The following OR5AS1 variants were observed in gnomAD, a reference collection of about 807,000 sequenced individuals.
OR5AS1 encodes olfactory receptor family 5 subfamily AS member 1.
For synonymous variants in OR5AS1, 196 were observed against 141.7 expected (o/e 1.38, Z -2.72); for missense variants, 492 against 378.2 (o/e 1.30, Z -2.50).
chr11:56,035,083 A>G lies in OR5AS1; in HGVS notation c.*3690A>G, dbSNP rs532842897. ...AAAGCAAATGCTGAGAGATTTTGTC[A>G]CCACCAGGCCTGCTTTACAAGAGCT... On this transcript the variant is annotated 3_prime_UTR_variant, in exon 2 of 2. Transcript: ENST00000641320. The G allele has an allele frequency of 2.2e-4, 34 of 152,182 alleles. No individual in the cohort carries two copies. Among genetic ancestry groups the G allele is most frequent in the Non-Finnish European group, 4.4e-4 (30 of 68,042 alleles). 9.4% of individuals were successfully genotyped at this position (152,182 alleles called of 1,614,324 possible). A position where few individuals can be genotyped will look rare whatever the true frequency, so the allele number is the denominator to read the frequency against.
In OR5AS1 at chr11:56,031,039, G is replaced by A. The variant is rs1853344731; in HGVS notation, c.621G>A (p.Gln207=). 2.5e-6 allele frequency: 4 copies of A among 1,614,112 alleles called. No individual in the cohort carries two copies. Among genetic ancestry groups the A allele is most frequent in the Non-Finnish European group, 3.4e-6 (4 of 1,180,008 alleles). ...LLLFALCSFI[Q]TSTFVVIFIS... The stretch of plus-strand genomic sequence containing the variant: ...TCTTTGCTTTGTGCAGCTTCATCCA[G>A]ACCAGCACTTTTGTGGTAATATTTA... Residue 207 remains glutamine (Q), a synonymous_variant, in exon 2 of 2, where the codon CAG becomes CAA. Transcript: ENST00000641320.
Position 56,031,333 on chromosome 11 carries a change from A to G in OR5AS1, c.915A>G (p.Leu305=), listed in dbSNP as rs752131661. The change falls in exon 2 of 2, where the codon TTA becomes TTG. Residue 305 remains leucine (L), a synonymous_variant. Transcript: ENST00000641320. ...TGAAAAATGCTCTCAAAAAGCTATT[A>G]GAAAGAATTGGATATTCAAATGAAT... ...KDVKNALKKL[L]ERIGYSNEWY... 1.1e-5 allele frequency: 17 copies of G among 1,589,920 alleles called. No individual in the cohort carries two copies. The highest frequency in any genetic ancestry group is 1.3e-5 in the African/African-American group (1 of 74,262).
rs1269792811 is a variant in OR5AS1 at position 56,037,759 on chromosome 11, A to G, written c.*6366A>G. On this transcript the variant is annotated 3_prime_UTR_variant, in exon 2 of 2. Coordinates refer to ENST00000641320, the MANE Select transcript of OR5AS1 (RefSeq NM_001001921.2). ...AATTTCTTCACAGAATTAGAAAAAA[A>G]AAAAAACTACTTTAAATTTCATGTG... 3.3e-5 allele frequency: 5 copies of G among 151,770 alleles called. No homozygotes were observed. Among genetic ancestry groups the G allele is most frequent in the African/African-American group, 9.7e-5 (4 of 41,328 alleles). 9.4% of individuals were successfully genotyped at this position (151,770 alleles called of 1,614,324 possible). A position where few individuals can be genotyped will look rare whatever the true frequency, so the allele number is the denominator to read the frequency against.
intron 1 of OR5AS1, among the ~76,000 whole-genome samples, chr11:56,028,539 G>A (rs551293735): frequency 3.9e-5 from 6 of 152,186 alleles, no homozygotes; most frequent in East Asian, 1.9e-4. Flanking sequence ...TTTAGAAATA[G>A]GAGGTTTGTC....
Position 56,030,630 on chromosome 11 carries a change from T to A in OR5AS1, c.212T>A (p.Ile71Asn). 1 of 1,555,048 alleles carries A rather than the reference T, an allele frequency of 6.4e-7. No individual in the cohort carries two copies. Among genetic ancestry groups the A allele is most frequent in the African/African-American group, 1.4e-5 (1 of 72,884 alleles). The change falls in exon 2 of 2, where the codon ATC becomes AAC. Residue 71 changes from isoleucine (I) to asparagine (N), a missense_variant. Transcript: ENST00000641320. ...YFLSNLSFLDISCSTAITPKM... is the reference protein window; with the variant it reads ...YFLSNLSFLDNSCSTAITPKM... ...CTTAGCAACTTATCTTTCTTAGACA[T>A]CAGCTGTTCTACAGCAATCACTCCT...
rs1853352169 is a variant in OR5AS1, at chr11:56,031,564, A to T, written c.*171A>T. ...TCTCCACAATTCTACTCTATAAAAC[A>T]TTACCTAATTAAACATAGTCATTAT... is the stretch of plus-strand genomic sequence containing the variant. On this transcript the variant is annotated 3_prime_UTR_variant, in exon 2 of 2. Transcript: ENST00000641320. The T allele has an allele frequency of 2.0e-6, 1 of 492,230 alleles. No individual in the cohort carries two copies. Among genetic ancestry groups the T allele is most frequent in the Non-Finnish European group, 3.6e-6 (1 of 279,164 alleles). 30.5% of individuals were successfully genotyped at this position (492,230 alleles called of 1,614,324 possible). A position where few individuals can be genotyped will look rare whatever the true frequency, so the allele number is the denominator to read the frequency against.
rs542139440 is a variant in OR5AS1, at chr11:56,034,413, A to G, written c.*3020A>G. The G allele has an allele frequency of 6.6e-6, 1 of 152,222 alleles. No individual in the cohort carries two copies. The highest frequency in any genetic ancestry group is 1.5e-5 in the Non-Finnish European group (1 of 68,018). 9.4% of individuals were successfully genotyped at this position (152,222 alleles called of 1,614,324 possible). A position where few individuals can be genotyped will look rare whatever the true frequency, so the allele number is the denominator to read the frequency against. ...TTAGAATAACTGGTTTGAAGAGAAC[A>G]TAAATAACCTGATGGAGCTGAAAAA... On this transcript the variant is annotated 3_prime_UTR_variant, in exon 2 of 2. Transcript: ENST00000641320.
At position 56,031,593 on chromosome 11, in the gene OR5AS1, T is replaced by A. The variant is rs577671427; in HGVS notation, c.*200T>A. ...CCTAATTAAACATAGTCATTATTTA[T>A]ATCCAATTAGTGTTTCTAAAATGCT... On this transcript the variant is annotated 3_prime_UTR_variant, in exon 2 of 2. Transcript: ENST00000641320. 9.4e-6 allele frequency: 4 copies of A among 426,766 alleles called. No homozygotes were observed. In the South Asian group the frequency reaches 1.7e-4, roughly 18 times the overall value. The allele number at this position is 426,766 out of a possible 1,614,324, so 26.4% of individuals were successfully genotyped here. A position where few individuals can be genotyped will look rare whatever the true frequency, so the allele number is the denominator to read the frequency against.
chr11:56,030,576 C>A lies in OR5AS1; in HGVS notation c.158C>A (p.Ser53Ter). The A allele has an allele frequency of 6.5e-7, 1 of 1,548,192 alleles. No homozygotes were observed. The highest frequency in any genetic ancestry group is 1.2e-5 in the South Asian group (1 of 81,922). Reference protein sequence around the residue: ...ILLIILVNINSSLQIPMYYFL... With the variant: ...ILLIILVNIN ...TTAATAATTCTAGTTAATATTAATT[C>A]AAGCCTTCAAATTCCCATGTATTAT... The change falls in exon 2 of 2, where the codon TCA becomes TAA. Residue 53 changes from serine to a stop codon, truncating the protein, a stop_gained. Transcript: ENST00000641320. LOFTEE classifies it low-confidence loss of function (END_TRUNC).
rs1241609778 is a variant in OR5AS1, at chr11:56,034,196, A to C, written c.*2803A>C. The C allele has an allele frequency of 6.6e-6, 1 of 152,098 alleles. No homozygotes were observed. The highest frequency in any genetic ancestry group is 2.4e-5 in the African/African-American group (1 of 41,360). The allele number at this position is 152,098 out of a possible 1,614,324, so 9.4% of individuals were successfully genotyped here. On this transcript the variant is annotated 3_prime_UTR_variant, in exon 2 of 2. Transcript: ENST00000641320. The stretch of plus-strand genomic sequence containing the variant: ...TAAAACCAGACATCTCTTCTCCCAC[A>C]AAGGATCACAATTCCACGCCAGCAA...
At position 56,027,800 on chromosome 11, in the gene OR5AS1, C is replaced by T. The variant is rs1480943560; in HGVS notation, c.-29+88C>T. On this transcript the variant is annotated intron_variant, in intron 1 of 1. Transcript: ENST00000641320. Reference sequence around the variant, plus strand: ...AATTTGCCTCAGATAAAATGTATCTCTGCTATTTCTGTGTGTGTGTGTGTG... The same window carrying T: ...AATTTGCCTCAGATAAAATGTATCTTTGCTATTTCTGTGTGTGTGTGTGTG... The T allele has an allele frequency of 3.8e-5, 5 of 132,364 alleles. No homozygotes were observed. In the Admixed American group the frequency reaches 3.9e-4, roughly 10 times the overall value. The allele number at this position is 132,364 out of a possible 1,614,324, so 8.2% of individuals were successfully genotyped here.
In OR5AS1 at chr11:56,030,818, A is replaced by G. The variant is rs2134692506; in HGVS notation, c.400A>G (p.Thr134Ala). ...AAICNPLLYT[T>A]LMSRRVCVCF... is the part of the protein sequence containing the mutation. ...CATCTGCAACCCACTGCTCTATACT[A>G]CACTGATGTCTAGGAGAGTCTGTGT... The change falls in exon 2 of 2, where the codon ACA (threonine) becomes GCA (alanine). Residue 134 changes from threonine (T) to alanine (A), a missense_variant. Thr to Ala is a moderately conservative substitution (Grantham distance 58). Coordinates refer to ENST00000641320, the MANE Select transcript of OR5AS1 (RefSeq NM_001001921.2). The G allele has an allele frequency of 6.2e-7, 1 of 1,613,936 alleles. No homozygotes were observed. The highest frequency in any genetic ancestry group is 1.3e-5 in the African/African-American group (1 of 74,954).
intron 1 of OR5AS1, among the ~76,000 whole-genome samples, chr11:56,028,197 T>C (rs950201993): frequency 6.6e-6 from 1 of 151,928 alleles, no homozygotes; most frequent in Non-Finnish European, 1.5e-5. Context: ...GTAATAATTA[T>C]AATATATAAT....
At position 56,036,462 on chromosome 11, in the gene OR5AS1, C is replaced by A. The variant is rs1445063472; in HGVS notation, c.*5069C>A. 6.6e-6 allele frequency: 1 copy of A among 152,016 alleles called. No individual in the cohort carries two copies. Among genetic ancestry groups the A allele is most frequent in the African/African-American group, 2.4e-5 (1 of 41,362 alleles). 9.4% of individuals were successfully genotyped at this position (152,016 alleles called of 1,614,324 possible). On this transcript the variant is annotated 3_prime_UTR_variant, in exon 2 of 2. Transcript: ENST00000641320. ...TTATAAAGGGGATATCACCACTGTT[C>A]CCACAGAAATACAAACTACCATCAG...
rs1853389893 is a variant in OR5AS1, at chr11:56,034,996, CAG to C, written c.*3606_*3607del. ...GTCTTAAAGAAAAGAATTTTAAATG[CAG>C]AGTTTCATATTCAGCCAAACTAAGC... is the stretch of plus-strand genomic sequence containing the variant. On this transcript the variant is annotated 3_prime_UTR_variant, in exon 2 of 2. Transcript: ENST00000641320. 1 of 152,078 alleles carries C rather than the reference CAG, an allele frequency of 6.6e-6. No individual in the cohort carries two copies. The highest frequency in any genetic ancestry group is 6.5e-5 in the Admixed American group (1 of 15,274). 9.4% of individuals were successfully genotyped at this position (152,078 alleles called of 1,614,324 possible). A position where few individuals can be genotyped will look rare whatever the true frequency, so the allele number is the denominator to read the frequency against.
rs199574198 is a variant in OR5AS1 at position 56,031,256 on chromosome 11, G to C, written c.838G>C (p.Val280Leu). 4.0e-5 allele frequency: 65 copies of C among 1,613,522 alleles called. No homozygotes were observed. Among genetic ancestry groups the C allele is most frequent in the Non-Finnish European group, 5.4e-5 (64 of 1,179,792 alleles). Residue 280 changes from valine (V) to leucine (L), a missense_variant, in exon 2 of 2, where the codon GTT becomes CTT. Val to Leu is a conservative substitution (Grantham distance 32, BLOSUM62 1). Transcript: ENST00000641320. ...TAAGGTGGTGGCAGTGTTTTATACT[G>C]TTGTATTTCCCATGTTTAATCCAAT... ...TDKVVAVFYT[V>L]VFPMFNPIIY...
In OR5AS1 at chr11:56,032,239, TATAAA is replaced by T. The variant is rs1340206050; in HGVS notation, c.*847_*851del. 5 of 152,134 alleles carry T rather than the reference TATAAA, an allele frequency of 3.3e-5. No homozygotes were observed. The highest frequency in any genetic ancestry group is 2.6e-4 in the Admixed American group (4 of 15,274). 9.4% of individuals were successfully genotyped at this position (152,134 alleles called of 1,614,324 possible). A position where few individuals can be genotyped will look rare whatever the true frequency, so the allele number is the denominator to read the frequency against. On this transcript the variant is annotated 3_prime_UTR_variant, in exon 2 of 2. Transcript: ENST00000641320. ...ACAAGTTTGTGAATACTATCAAGATTATAAACTGTAGAATTTCCTAATTATTTATA... is the reference window on the plus strand; with the variant it reads ...ACAAGTTTGTGAATACTATCAAGATTCTGTAGAATTTCCTAATTATTTATA...
rs1853357178 is a variant in OR5AS1 at position 56,032,030 on chromosome 11, T to A, written c.*637T>A. On this transcript the variant is annotated 3_prime_UTR_variant, in exon 2 of 2. Coordinates refer to ENST00000641320, the MANE Select transcript of OR5AS1 (RefSeq NM_001001921.2). ...AGCATTTGTCAATAGAGATATTTTA[T>A]AATACCAATAATCTGTTAGGGATAC... The A allele has an allele frequency of 6.6e-6, 1 of 152,156 alleles. No homozygotes were observed. The highest frequency in any genetic ancestry group is 2.4e-5 in the African/African-American group (1 of 41,398). The allele number at this position is 152,156 out of a possible 1,614,324, so 9.4% of individuals were successfully genotyped here.
rs141059768 is a variant in OR5AS1 at position 56,030,945 on chromosome 11, A to G, written c.527A>G (p.His176Arg). Residue 176 changes from histidine (H) to arginine (R), a missense_variant, in exon 2 of 2, where the codon CAT becomes CGT. By Grantham distance (29) the His-to-Arg change is conservative. Transcript: ENST00000641320. ...LSFCGSNIVN[H>R]FFCDIPPLLA... ...TTTTGTGGCTCCAATATCGTCAATC[A>G]TTTTTTCTGTGATATCCCACCTCTT... is the stretch of plus-strand genomic sequence containing the variant. 7.8e-4 allele frequency: 1,252 copies of G among 1,613,980 alleles called. 7 individuals are homozygous for G. The Admixed American group carries it at 0.014, about 17-fold the overall frequency.
Sources: allele counts gnomAD v4.1 joint callset (sites outside exome capture counted in the v4.1 genomes callset), GRCh38; gene constraint gnomAD v4.1.1; transcripts MANE v1.5; gene names NCBI Gene and HGNC (gene_info 2026-07-23, HGNC 2026-07-21).